CD8A: variants seen among roughly 807,000 people sequenced by gnomAD.
CD8A encodes the protein CD8 subunit alpha, also known as T-cell surface glycoprotein CD8 alpha chain.
Under a neutral mutation model 24.2 loss-of-function variants are expected in CD8A, and 25 were observed. The observed-to-expected ratio is 1.03, with a 90% CI of 0.75 to 1.44. The LOEUF is 1.44. Among genes scored for constraint, CD8A ranks in the 40% most tolerant of loss-of-function variants. The pLI is 0.00. For synonymous variants in CD8A, 165 were observed against 149.9 expected (o/e 1.10, Z -0.74); for missense variants, 360 against 319.7 (o/e 1.13, Z -0.96).
intron 4 of CD8A, 81 bp downstream of exon 4, chr2:86,789,242 T>C: frequency 1.1e-6 from 1 of 936,166 alleles, no homozygotes; most frequent in South Asian, 1.3e-5. Context: ...AGCTCCCCCC[T>C]CGCAAGGTCC....
chr2:86,786,038 G>A (rs191373912), intron 5 of CD8A, 67 bp from the exon 6 acceptor site: 11 of 1,262,718 alleles, frequency 8.7e-6, no homozygotes, highest in African/African-American at 7.3e-5. Flanking sequence ...ATCCAGCCAC[G>A]TCCAGCCTCC....
In CD8A at chr2:86,790,844, C is replaced by CTG. The variant is rs1340940906; in HGVS notation, c.-21_-20dup. On this transcript the variant is annotated 5_prime_UTR_variant, in exon 1 of 6. Transcript: ENST00000283635. Reference sequence around the variant, plus strand: ...AGGCCATGACGCGCTCCCCAGGACGCTGCTTGGCTCGAAGCTCGGGCGCGA... The same window carrying CTG: ...AGGCCATGACGCGCTCCCCAGGACGCTGTGCTTGGCTCGAAGCTCGGGCGCGA... 1 of 1,539,088 alleles carries CTG rather than the reference C, an allele frequency of 6.5e-7. No homozygotes were observed. Among genetic ancestry groups the CTG allele is most frequent in the Admixed American group, 2.0e-5 (1 of 51,106 alleles).
chr2:86,788,853 G>A (rs1259088995), intron 4 of CD8A, among the ~76,000 whole-genome samples: 1 of 152,102 alleles, frequency 6.6e-6, no homozygotes, highest in Non-Finnish European at 1.5e-5. Context: ...AACTACAGAC[G>A]CGGGCGAAAG....
chr2:86,800,459 G>A (rs1300445857), intron 3 of CD8A, among the ~76,000 whole-genome samples: 6 of 147,946 alleles, frequency 4.1e-5, no homozygotes, highest in African/African-American at 5.0e-5. Flanking sequence ...AAAAAAAAAA[G>A]AAAGAAAAAA....
chr2:86,806,883 A>C (rs1042285003), intron 2 of CD8A, among the ~76,000 whole-genome samples: 1 of 152,202 alleles, frequency 6.6e-6, no homozygotes, highest in African/African-American at 2.4e-5. Context: ...GCAAAAAGAA[A>C]ATTTTCCACT....
chr2:86,802,285 G>C (rs1214747283), intron 2 of CD8A, among the ~76,000 whole-genome samples: 2 of 152,120 alleles, frequency 1.3e-5, no homozygotes, highest in Non-Finnish European at 2.9e-5. Context: ...TAATCTGCCT[G>C]CCTCGGCCTC....
chr2:86,785,499 T>C lies in CD8A; in HGVS notation c.*421A>G. ...AAGAGCCCTGAGCTGGGAGACAAGG[T>C]CCCTCCAGCTACTGCTCCAACCCTG... On this transcript the variant is annotated 3_prime_UTR_variant, in exon 6 of 6. Transcript: ENST00000283635. 2.2e-6 allele frequency: 1 copy of C among 460,704 alleles called. No homozygotes were observed. Among genetic ancestry groups the C allele is most frequent in the Non-Finnish European group, 4.3e-6 (1 of 231,482 alleles). 28.5% of individuals were successfully genotyped at this position (460,704 alleles called of 1,614,324 possible). A position where few individuals can be genotyped will look rare whatever the true frequency, so the allele number is the denominator to read the frequency against.
At chr2:86,788,584 A>G in intron 4 of CD8A, 24 bp from the exon 5 acceptor site, 1 of 1,607,776 alleles carries the variant, frequency 6.2e-7, no homozygotes, top group Non-Finnish European at 8.5e-7. Context: ...AAGAAGGGAA[A>G]AAGTGAGTGC....
At chr2:86,805,303 G>A (rs1181465201) in intron 2 of CD8A, among the ~76,000 whole-genome samples, 1 of 152,152 alleles carries the variant, frequency 6.6e-6, no homozygotes, top group East Asian at 1.9e-4. Context: ...CCAAGTACAA[G>A]ATTTTCTCTA....
chr2:86,785,612 G>A lies in CD8A; in HGVS notation c.*308C>T, dbSNP rs1387434655. 3.3e-6 allele frequency: 2 copies of A among 597,068 alleles called. No homozygotes were observed. The highest frequency in any genetic ancestry group is 1.8e-5 in the African/African-American group (1 of 54,890). 37.0% of individuals were successfully genotyped at this position (597,068 alleles called of 1,614,324 possible). ...CGGGGAAGAGGTTGAGATGGCATGG[G>A]TGCCTCCAGCTCTCTCAGCATGATT... On this transcript the variant is annotated 3_prime_UTR_variant, in exon 6 of 6. Transcript: ENST00000283635.
chr2:86,787,622 TTAAAA>T (rs1227214669), intron 5 of CD8A, among the ~76,000 whole-genome samples: 1 of 152,086 alleles, frequency 6.6e-6, no homozygotes, highest in East Asian at 1.9e-4. Flanking sequence ...GTCATAAAAC[TTAAAA>T]TTAAAAAAAA....
intron 3 of CD8A, among the ~76,000 whole-genome samples, chr2:86,799,132 C>T (rs2104455420): frequency 6.6e-6 from 1 of 152,276 alleles, no homozygotes; most frequent in Admixed American, 6.5e-5. Context: ...CTTGGGGATA[C>T]ACATAATTTT....
At chr2:86,791,403 C>T, upstream of CD8A, 1 of 410,130 alleles carries the variant, frequency 2.4e-6, no homozygotes, top group East Asian at 7.1e-5. Context: ...CCTCTCCCTT[C>T]CCCCAGGAGA....
intron 2 of CD8A, 41 bp downstream of exon 2, chr2:86,790,287 C>G (rs1218191516): frequency 6.9e-6 from 10 of 1,447,096 alleles, no homozygotes; most frequent in South Asian, 1.1e-5. Flanking sequence ...AGGTGAACCC[C>G]AAGCCCCACG....
chr2:86,792,819 T>A (rs1395499984), upstream of CD8A, among the ~76,000 whole-genome samples: 1 of 151,946 alleles, frequency 6.6e-6, no homozygotes, highest in Non-Finnish European at 1.5e-5. Flanking sequence ...TTTTTTTTTT[T>A]TTAATTATTT....
chr2:86,804,659 G>A (rs1256446735), intron 2 of CD8A, among the ~76,000 whole-genome samples: 1 of 151,986 alleles, frequency 6.6e-6, no homozygotes, highest in African/African-American at 2.4e-5. Context: ...CAGGTTGAGT[G>A]CATTGGTGTG....
chr2:86,802,938 G>T (rs1438996068), intron 2 of CD8A, among the ~76,000 whole-genome samples: 1 of 152,028 alleles, frequency 6.6e-6, no homozygotes, highest in Non-Finnish European at 1.5e-5. Context: ...AGGAGAAAAA[G>T]GAGTGATGAA....
upstream of CD8A, among the ~76,000 whole-genome samples, chr2:86,793,781 G>A (rs537918535): frequency 6.6e-6 from 1 of 152,190 alleles, no homozygotes; most frequent in Non-Finnish European, 1.5e-5. Context: ...GGGGTGTACT[G>A]CTTTAAAATA....
chr2:86,789,107 G>A (rs1163342413), intron 4 of CD8A, among the ~76,000 whole-genome samples: 2 of 152,158 alleles, frequency 1.3e-5, no homozygotes, highest in African/African-American at 2.4e-5. Context: ...CTGGGAACGC[G>A]GCTTTGTCTC....
Sources: allele counts gnomAD v4.1 joint callset (sites outside exome capture counted in the v4.1 genomes callset), GRCh38; gene constraint gnomAD v4.1.1; transcripts MANE v1.5; gene names NCBI Gene and HGNC (gene_info 2026-07-23, HGNC 2026-07-21).